NDUFB2: variants seen among roughly 807,000 people sequenced by gnomAD.
The protein encoded by NDUFB2 is NADH dehydrogenase [ubiquinone] 1 beta subcomplex subunit 2, mitochondrial.
A neutral mutation model predicts 13.4 loss-of-function variants in NDUFB2; 13 were observed. The observed-to-expected ratio is 0.97, with a 90% confidence interval of 0.63 to 1.54. The LOEUF (loss-of-function observed/expected upper bound fraction) is 1.54, where lower values mean the gene tolerates loss of function less well. NDUFB2 is among the 40% of genes most tolerant of loss of function. The pLI is 0.00. For synonymous variants in NDUFB2, 47 were observed against 50.6 expected, an observed-to-expected ratio of 0.93 and a Z score of 0.30; for missense variants, 150 against 139.7, an observed-to-expected ratio of 1.07 and a Z score of -0.37.
chr7:140,697,694 C>G (rs957616482), intron 1 of NDUFB2, among the ~76,000 whole-genome samples: 1 of 152,160 alleles, frequency 6.6e-6, no homozygotes, highest in Non-Finnish European at 1.5e-5. Context: ...TCTGGCCGCA[C>G]AGTGGCTGGG....
chr7:140,704,117 G>A lies in NDUFB2; in HGVS notation c.244-743G>A, dbSNP rs149389652. Reference sequence around the variant, plus strand: ...TGAGGTTTTACCACATTTGCAGACCGTTCTTTGGGAAATTACGTCTTTAAG... The same window carrying A: ...TGAGGTTTTACCACATTTGCAGACCATTCTTTGGGAAATTACGTCTTTAAG... On this transcript the variant is annotated intron_variant, in intron 2 of 3. Coordinates refer to ENST00000247866, the MANE Select transcript of NDUFB2 (RefSeq NM_004546.3). Among the ~76,000 whole-genome samples the A allele has an allele frequency of 3.0e-4, 46 of 152,264 alleles. No individual in the cohort carries two copies. In the East Asian group the frequency reaches 8.3e-3, roughly 27 times the overall value.
intron 1 of NDUFB2, chr7:140,697,087 G>A: frequency 5.1e-6 from 3 of 587,064 alleles, no homozygotes; most frequent in South Asian, 4.1e-5. Context: ...AGTAGGGGCC[G>A]CCTGCCCTCG....
At chr7:140,705,745 A>C (rs1320178508) in intron 3 of NDUFB2, 2 of 152,278 alleles carry the variant, frequency 1.3e-5, no homozygotes, top group African/African-American at 4.8e-5. Context: ...AACAGGACAG[A>C]TGGAGCTTAC....
At chr7:140,703,231 A>G (rs1794920741) in intron 2 of NDUFB2, among the ~76,000 whole-genome samples, 1 of 146,698 alleles carries the variant, frequency 6.8e-6, no homozygotes, top group Non-Finnish European at 1.5e-5. Flanking sequence ...TCCGTTTCTT[A>G]TGGTTTCTGT....
chr7:140,697,438 G>T, intron 1 of NDUFB2: 1 of 702,416 alleles, frequency 1.4e-6, no homozygotes, highest in South Asian at 1.5e-5. Flanking sequence ...CAGCCGTGGC[G>T]TTTAGGAGAG....
intron 2 of NDUFB2, 25 bp from the exon 3 acceptor site, chr7:140,704,835 C>G (rs1197930177): frequency 6.8e-7 from 1 of 1,475,866 alleles, no homozygotes; most frequent in African/African-American, 1.5e-5. Flanking sequence ...CTTGACTTTT[C>G]TTTCTTTTAA....
At chr7:140,703,564 C>A (rs567801278) in intron 2 of NDUFB2, among the ~76,000 whole-genome samples, 4 of 150,934 alleles carry the variant, frequency 2.7e-5, no homozygotes, top group African/African-American at 9.7e-5. Flanking sequence ...CGTGAGCCAC[C>A]GCGCCTGGCC....
chr7:140,698,144 G>A, intron 1 of NDUFB2: 2 of 1,352,074 alleles, frequency 1.5e-6, no homozygotes, highest in African/African-American at 2.9e-5. Context: ...TCTGGAGCTG[G>A]GGCAGGTGTG....
chr7:140,698,750 T>A (rs1037520928), intron 1 of NDUFB2, among the ~76,000 whole-genome samples: 1 of 151,954 alleles, frequency 6.6e-6, no homozygotes, highest in African/African-American at 2.4e-5. Context: ...CAGGGACAAG[T>A]GTGGGGGCCG....
chr7:140,702,813 C>CT, intron 1 of NDUFB2, 53 bp from the exon 2 acceptor site: 1 of 1,606,028 alleles, frequency 6.2e-7, no homozygotes, highest in Non-Finnish European at 8.5e-7. Context: ...TTTTGGATGA[C>CT]TTAACGCTTT....
chr7:140,696,844 TGA>T lies in NDUFB2; in HGVS notation c.98+4_98+5del, dbSNP rs1554491711. 1 of 1,601,678 alleles carries T rather than the reference TGA, an allele frequency of 6.2e-7. No homozygotes were observed. Among genetic ancestry groups the T allele is most frequent in the Non-Finnish European group, 8.5e-7 (1 of 1,174,590 alleles). On this transcript the variant is annotated splice_donor_region_variant and intron_variant, in intron 1 of 3. Transcript: ENST00000247866. Reference sequence around the variant, plus strand: ...TGCTGGAGATGGTGGAGTCCGTCAGTGAGTGTGGGGCTGGGGATGGGGGCCTC... The same window carrying T: ...TGCTGGAGATGGTGGAGTCCGTCAGTGTGTGGGGCTGGGGATGGGGGCCTC...
intron 3 of NDUFB2, chr7:140,705,406 C>CA (rs1794952656): frequency 6.6e-6 from 1 of 152,174 alleles, no homozygotes; most frequent in African/African-American, 2.4e-5. Context: ...GGCCATGTAT[C>CA]TGATTTCTGC....
Position 140,696,787 on chromosome 7 carries a change from G to C in NDUFB2, c.43G>C (p.Gly15Arg). The C allele has an allele frequency of 6.2e-7, 1 of 1,608,594 alleles. No homozygotes were observed. The highest frequency in any genetic ancestry group is 8.5e-7 in the Non-Finnish European group (1 of 1,177,874). The change falls in exon 1 of 4, where the codon GGC becomes CGC. Residue 15 changes from glycine to arginine, a missense_variant. By Grantham distance (125) the Gly-to-Arg change is moderately radical. Transcript: ENST00000247866. ...TRLASFARVG[G>R]RLFRSGCART... The stretch of plus-strand genomic sequence containing the variant: ...GCTGGCGTCTTTCGCTCGCGTTGGA[G>C]GCCGCCTTTTCAGAAGCGGCTGCGC...
intron 1 of NDUFB2, among the ~76,000 whole-genome samples, chr7:140,699,034 T>C (rs1222274661): frequency 6.6e-6 from 1 of 152,064 alleles, no homozygotes; most frequent in African/African-American, 2.4e-5. Flanking sequence ...AGTGTGCGCC[T>C]GTAATCCCAG....
chr7:140,701,655 C>A (rs527478251), intron 1 of NDUFB2, among the ~76,000 whole-genome samples: 1 of 151,768 alleles, frequency 6.6e-6, no homozygotes, highest in East Asian at 1.9e-4. Flanking sequence ...ACAAAACAGC[C>A]GGGCACGTGG....
chr7:140,704,780 C>A, intron 2 of NDUFB2, 80 bp from the exon 3 acceptor site: 25 of 891,796 alleles, frequency 2.8e-5, no homozygotes, highest in Admixed American at 3.1e-5. Context: ...TTTTTTCTTT[C>A]CAAGATTTAT....
At position 140,696,739 on chromosome 7, in the gene NDUFB2, G is replaced by T; in HGVS notation, c.-6G>T. The T allele has an allele frequency of 6.3e-7, 1 of 1,584,708 alleles. No homozygotes were observed. Among genetic ancestry groups the T allele is most frequent in the East Asian group, 2.3e-5 (1 of 42,854 alleles). Reference sequence around the variant, plus strand: ...GCTGGGGACCGCGGGGCGGACGGGAGCGAGTATGTCCGCTCTGACTCGGCT... The same window carrying T: ...GCTGGGGACCGCGGGGCGGACGGGATCGAGTATGTCCGCTCTGACTCGGCT... On this transcript the variant is annotated 5_prime_UTR_variant, in exon 1 of 4. Transcript: ENST00000247866.
chr7:140,697,295 G>A lies in NDUFB2; in HGVS notation c.98+453G>A, dbSNP rs1335134103. ...AATTTAGGGTAGAGTCTGTTCGGCAGCCTTTAATCGGAGACGTCACGTGGC... is the reference window on the plus strand; with the variant it reads ...AATTTAGGGTAGAGTCTGTTCGGCAACCTTTAATCGGAGACGTCACGTGGC... On this transcript the variant is annotated intron_variant, in intron 1 of 3. Transcript: ENST00000247866. 1.3e-5 allele frequency: 9 copies of A among 702,734 alleles called. No individual in the cohort carries two copies. The East Asian group carries it at 1.9e-4, about 15-fold the overall frequency. The allele number at this position is 702,734 out of a possible 1,614,324, so 43.5% of individuals were successfully genotyped here.
intron 1 of NDUFB2, chr7:140,698,126 A>G (rs2130798963): frequency 7.4e-7 from 1 of 1,351,744 alleles, no homozygotes; most frequent in East Asian, 4.6e-5. Flanking sequence ...TCCCACATGG[A>G]TGAAGAATCT....
Sources: gnomAD v4.1 joint callset for allele counts (sites outside exome capture counted in the v4.1 genomes callset) on GRCh38, gnomAD v4.1.1 for gene constraint, MANE v1.5 for transcripts, NCBI Gene and HGNC (gene_info 2026-07-23, HGNC 2026-07-21) for gene names.